TBXAS1: variants seen among roughly 807,000 people sequenced by gnomAD.
The protein encoded by TBXAS1 is thromboxane A synthase 1, also known as thromboxane-A synthase.
Under a neutral mutation model 60.7 loss-of-function variants are expected in TBXAS1, and 48 were observed. The observed-to-expected ratio is 0.79, with a 90% CI of 0.63 to 1.01. The LOEUF is 1.01. Among genes scored for constraint, TBXAS1 ranks in the 50% least tolerant of loss-of-function variants. The pLI is 0.00. For missense variants in TBXAS1, 685 were observed against 686.3 expected (o/e 1.00, Z 0.02); for synonymous variants, 287 against 269.7 (o/e 1.06, Z -0.63).
chr7:139,889,121 C>A (rs937310214), intron 3 of TBXAS1, among the ~76,000 whole-genome samples: 1 of 151,640 alleles, frequency 6.6e-6, no homozygotes, highest in Admixed American at 6.6e-5. Flanking sequence ...TTGCTTGAGC[C>A]CAGGAGTTTG....
At chr7:139,866,341 A>G (rs1003675820) in intron 1 of TBXAS1, among the ~76,000 whole-genome samples, 9 of 152,376 alleles carry the variant, frequency 5.9e-5, no homozygotes, top group African/African-American at 2.2e-4. Flanking sequence ...TTAGTAAATT[A>G]TAATATGTAT....
chr7:139,831,535 G>T (rs1164021468), intron 1 of TBXAS1, among the ~76,000 whole-genome samples: 2 of 152,218 alleles, frequency 1.3e-5, no homozygotes, highest in African/African-American at 4.8e-5. Context: ...AAACTGGCAG[G>T]GGGAGTGGAT....
At chr7:140,009,995 CCACACCCGCTT>C (rs1479619643) in intron 10 of TBXAS1, among the ~76,000 whole-genome samples, 1 of 130,180 alleles carries the variant, frequency 7.7e-6, no homozygotes, top group Non-Finnish European at 1.6e-5. Flanking sequence ...CACACCCGCT[CCACACCCGCTT>C]CACACCCGCT....
At chr7:139,806,681 T>C (rs1397600410) in intron 4 of TBXAS1, among the ~76,000 whole-genome samples, 1 of 152,192 alleles carries the variant, frequency 6.6e-6, no homozygotes, top group Non-Finnish European at 1.5e-5. Context: ...TCCTGCTTCC[T>C]GAAACACTCT....
At chr7:139,880,098 G>C (rs1295977359) in intron 3 of TBXAS1, among the ~76,000 whole-genome samples, 2 of 152,098 alleles carry the variant, frequency 1.3e-5, no homozygotes, top group Non-Finnish European at 2.9e-5. Flanking sequence ...CGGCCAGGCT[G>C]GTCTCAACTC....
chr7:139,906,996 T>C (rs1805153893), intron 3 of TBXAS1, among the ~76,000 whole-genome samples: 1 of 152,236 alleles, frequency 6.6e-6, no homozygotes, highest in Non-Finnish European at 1.5e-5. Context: ...GGGACAATTT[T>C]ATTTATTCCT....
At chr7:139,842,276 G>T (rs1342286188) in intron 1 of TBXAS1, among the ~76,000 whole-genome samples, 1 of 152,138 alleles carries the variant, frequency 6.6e-6, no homozygotes, top group Non-Finnish European at 1.5e-5. Context: ...CTTATTTGTT[G>T]TATAAACAAA....
rs1805993512 is a variant in TBXAS1 at position 139,916,589 on chromosome 7, C to T, written c.333+5268C>T. ...TCAGCCTCTCAGGGGCTGCTTCACTCGCTCTCCACACAGCTGTGAACATTG... is the reference window on the plus strand; with the variant it reads ...TCAGCCTCTCAGGGGCTGCTTCACTTGCTCTCCACACAGCTGTGAACATTG... On this transcript the variant is annotated intron_variant, in intron 4 of 12. Transcript: ENST00000448866. The surrounding 1 kb of genome is among the most constrained non-coding windows in gnomAD (Gnocchi z 4.2). 6.6e-6 allele frequency among the ~76,000 whole-genome samples: 1 copy of T among 152,212 alleles called. No individual in the cohort carries two copies. Among genetic ancestry groups the T allele is most frequent in the African/African-American group, 2.4e-5 (1 of 41,458 alleles).
intron 9 of TBXAS1, among the ~76,000 whole-genome samples, chr7:139,971,472 A>G (rs1329917767): frequency 6.6e-6 from 1 of 152,164 alleles, no homozygotes; most frequent in Non-Finnish European, 1.5e-5. Context: ...TGTCCATTTC[A>G]TTGTTATGCA....
At chr7:139,897,364 C>T (rs1332087708) in intron 3 of TBXAS1, among the ~76,000 whole-genome samples, 9 of 33,968 alleles carry the variant, frequency 2.6e-4, no homozygotes, top group South Asian at 1.0e-3. Flanking sequence ...GGCAGGCAGG[C>T]GGGGGGAATA....
At chr7:139,856,538 G>T (rs1800595833) in intron 1 of TBXAS1, among the ~76,000 whole-genome samples, 1 of 152,158 alleles carries the variant, frequency 6.6e-6, no homozygotes, top group Admixed American at 6.5e-5. Context: ...TTGATGGAGG[G>T]GAAAAGGGAA....
chr7:139,802,529 A>C (rs1797747307), intron 4 of TBXAS1, among the ~76,000 whole-genome samples: 2 of 152,320 alleles, frequency 1.3e-5, no homozygotes, highest in Middle Eastern at 6.8e-3. Flanking sequence ...TCATGCCTGT[A>C]ATTCCAGCAC....
chr7:139,948,560 T>C (rs896010407), intron 5 of TBXAS1, among the ~76,000 whole-genome samples: 2 of 152,196 alleles, frequency 1.3e-5, no homozygotes, highest in South Asian at 4.1e-4. Context: ...TGATTATAAG[T>C]GTAATACATG....
At chr7:139,978,161 G>A (rs1811693894) in intron 9 of TBXAS1, among the ~76,000 whole-genome samples, 1 of 152,118 alleles carries the variant, frequency 6.6e-6, no homozygotes, top group Non-Finnish European at 1.5e-5. Flanking sequence ...CTCAAGCAGT[G>A]ATCCTGTGGG....
At chr7:140,003,655 C>T (rs994203982) in intron 9 of TBXAS1, among the ~76,000 whole-genome samples, 3 of 152,214 alleles carry the variant, frequency 2.0e-5, no homozygotes, top group Non-Finnish European at 2.9e-5. Context: ...TGACAACTTA[C>T]AAGCCATACA....
Position 139,916,623 on chromosome 7 carries a change from G to A in TBXAS1, c.333+5302G>A, listed in dbSNP as rs182616048. Among the ~76,000 whole-genome samples, 14 of 152,330 alleles carry A rather than the reference G, an allele frequency of 9.2e-5. No homozygotes were observed. The East Asian group carries it at 2.3e-3, about 25-fold the overall frequency. ...CACAGCTGTGAACATTGCAGGATGA[G>A]TCACTGTGAAACCACAAACTCCTTG... On this transcript the variant is annotated intron_variant, in intron 4 of 12. Transcript: ENST00000448866. This position sits in a 1 kb window ranked among gnomAD's most constrained non-coding sequence, Gnocchi z 4.2.
chr7:139,967,451 A>T (rs750722435), intron 9 of TBXAS1, among the ~76,000 whole-genome samples: 151 of 152,044 alleles, frequency 9.9e-4, no homozygotes, highest in Non-Finnish European at 1.2e-3. Context: ...AATCCCTCTA[A>T]TGTCTTTATA....
intron 4 of TBXAS1, among the ~76,000 whole-genome samples, chr7:139,822,459 T>C (rs1213555906): frequency 1.3e-5 from 2 of 152,270 alleles, no homozygotes; most frequent in Non-Finnish European, 1.5e-5. Context: ...CAAATGGCTC[T>C]CAAAATGAAA....
At chr7:139,969,423 G>T (rs1811026721) in intron 9 of TBXAS1, among the ~76,000 whole-genome samples, 1 of 127,450 alleles carries the variant, frequency 7.8e-6, no homozygotes, top group African/African-American at 3.0e-5. Flanking sequence ...GCAGTCAGAG[G>T]ATCTCCAAGA....
Sources: allele counts gnomAD v4.1 joint callset (sites outside exome capture counted in the v4.1 genomes callset), GRCh38; gene constraint gnomAD v4.1.1; non-coding constraint Gnocchi (gnomAD v3.1); transcripts MANE v1.5; gene names NCBI Gene and HGNC (gene_info 2026-07-23, HGNC 2026-07-21).